Variants in CASR observed in about 807,000 individuals in gnomAD.
CASR encodes the protein extracellular calcium-sensing receptor.
Under a neutral mutation model 69.1 loss-of-function variants are expected in CASR, and 23 were observed. The observed-to-expected ratio is 0.33, with a 90% CI of 0.24 to 0.47. The LOEUF (loss-of-function observed/expected upper bound fraction) is 0.47. Among genes scored for constraint, CASR ranks in the 20% least tolerant of loss-of-function variants. The pLI is 1.00. For missense variants in CASR, 924 were observed against 1,356.1 expected (o/e 0.68, Z 5.00); for synonymous variants, 541 against 544.7 (o/e 0.99, Z 0.10).
chr3:122,203,369 G>A (rs1348551898), intron 1 of CASR, among the ~76,000 whole-genome samples: 1 of 152,166 alleles, frequency 6.6e-6, no homozygotes. Flanking sequence ...ACATCACAGA[G>A]TACACCTACC....
At chr3:122,267,714 T>C (rs1012351758) in intron 4 of CASR, among the ~76,000 whole-genome samples, 1 of 152,144 alleles carries the variant, frequency 6.6e-6, no homozygotes, top group Non-Finnish European at 1.5e-5. Flanking sequence ...ACCAAGCATA[T>C]ACATTTGCCC....
chr3:122,278,115 C>T (rs879357567), intron 5 of CASR, among the ~76,000 whole-genome samples: 26 of 146,100 alleles, frequency 1.8e-4, no homozygotes, highest in Admixed American at 1.4e-3. Flanking sequence ...ATGTATTTCA[C>T]AAAGTTGTTA....
Position 122,288,134 on chromosome 3 carries a change from C to T in CASR, c.*2943C>T, listed in dbSNP as rs2074985405. ...TTATCCAGGTGGGTCCAGTGGAATC[C>T]CAAGGGCCCTTAAATGTGGACGAAG... On this transcript the variant is annotated 3_prime_UTR_variant, in exon 7 of 7. Coordinates refer to ENST00000639785, the MANE Select transcript of CASR (RefSeq NM_000388.4). 6.6e-6 allele frequency: 1 copy of T among 150,796 alleles called. No individual in the cohort carries two copies. Among genetic ancestry groups the T allele is most frequent in the Non-Finnish European group, 1.5e-5 (1 of 67,608 alleles). 9.3% of individuals were successfully genotyped at this position (150,796 alleles called of 1,614,324 possible).
At chr3:122,268,031 G>A (rs1357904814) in intron 4 of CASR, among the ~76,000 whole-genome samples, 1 of 152,218 alleles carries the variant, frequency 6.6e-6, no homozygotes, top group Non-Finnish European at 1.5e-5. Flanking sequence ...TGAGTAGGTA[G>A]TATAGTGTAA....
At position 122,289,454 on chromosome 3, in the gene CASR, A is replaced by G. The variant is rs1400473120; in HGVS notation, c.*4263A>G. 1.3e-5 allele frequency: 2 copies of G among 152,398 alleles called. No individual in the cohort carries two copies. The highest frequency in any genetic ancestry group is 1.3e-4 in the Admixed American group (2 of 15,296). The allele number at this position is 152,398 out of a possible 1,614,324, so 9.4% of individuals were successfully genotyped here. A position where few individuals can be genotyped will look rare whatever the true frequency, so the allele number is the denominator to read the frequency against. ...GCAAGGAGTGAGGCAGGGGTCAGGG[A>G]AACAACAAGCACAGGGTAGAACCTG... On this transcript the variant is annotated 3_prime_UTR_variant, in exon 7 of 7. Coordinates refer to ENST00000639785, the MANE Select transcript of CASR (RefSeq NM_000388.4).
intron 2 of CASR, 94 bp downstream of exon 2, chr3:122,254,468 C>A: frequency 7.8e-7 from 1 of 1,286,732 alleles, no homozygotes; most frequent in Non-Finnish European, 1.1e-6. Context: ...AAACTTTGTC[C>A]TATCTTTTCA....
intron 4 of CASR, among the ~76,000 whole-genome samples, chr3:122,264,014 CA>C (rs1181287487): frequency 1.3e-5 from 2 of 151,502 alleles, no homozygotes; most frequent in Non-Finnish European, 2.9e-5. Flanking sequence ...AAACAGGCTT[CA>C]AGGGGGAAAC....
In CASR at chr3:122,257,376, T is replaced by C; in HGVS notation, c.481T>C (p.Tyr161His). ...TAVANLLGLF[Y>H]IPQVSYASSS... ...AGTGGCAAATCTGCTGGGGCTCTTC[T>C]ACATTCCCCAGGTACTCAAGCCTTC... Residue 161 changes from tyrosine to histidine, a missense_variant, in exon 3 of 7, where the codon TAC becomes CAC. By Grantham distance (83) the Tyr-to-His change is moderately conservative. Around this residue, in one of 8 missense-constraint regions of CASR, gnomAD observed 141 missense variants for 283.0 expected, o/e 0.50. Coordinates refer to ENST00000639785, the MANE Select transcript of CASR (RefSeq NM_000388.4). 1 of 1,613,442 alleles carries C rather than the reference T, an allele frequency of 6.2e-7. No homozygotes were observed. The highest frequency in any genetic ancestry group is 8.5e-7 in the Non-Finnish European group (1 of 1,179,544).
chr3:122,232,755 ACT>A (rs1391627863), intron 1 of CASR, among the ~76,000 whole-genome samples: 1 of 151,860 alleles, frequency 6.6e-6, no homozygotes, highest in East Asian at 1.9e-4. Flanking sequence ...GCCCTTTCTG[ACT>A]CTACCATCCT....
intron 1 of CASR, among the ~76,000 whole-genome samples, chr3:122,240,066 A>G (rs1384418537): frequency 6.6e-6 from 1 of 152,244 alleles, no homozygotes; most frequent in African/African-American, 2.4e-5. Flanking sequence ...AATTTAACCC[A>G]AAGAAGACTA....
At chr3:122,245,125 C>T (rs181240679) in intron 1 of CASR, among the ~76,000 whole-genome samples, 147 of 152,200 alleles carry the variant, frequency 9.7e-4, no homozygotes, top group African/African-American at 3.3e-3. Flanking sequence ...ATAACTTATC[C>T]GCATCCTCCT....
intron 1 of CASR, among the ~76,000 whole-genome samples, chr3:122,213,764 A>G: frequency 6.6e-6 from 1 of 152,318 alleles, no homozygotes; most frequent in Middle Eastern, 3.4e-3. Flanking sequence ...ACCTAGCTGA[A>G]TTACTGAAAT....
At chr3:122,227,782 C>T (rs1057328387) in intron 1 of CASR, among the ~76,000 whole-genome samples, 2 of 152,140 alleles carry the variant, frequency 1.3e-5, no homozygotes, top group South Asian at 4.1e-4. Flanking sequence ...GTATACTATG[C>T]TCACTACCTG....
At chr3:122,274,012 A>T (rs2074787762) in intron 4 of CASR, among the ~76,000 whole-genome samples, 1 of 152,206 alleles carries the variant, frequency 6.6e-6, no homozygotes, top group African/African-American at 2.4e-5. Flanking sequence ...CTCAGTAAAA[A>T]TGAAGGCAAA....
At chr3:122,245,113 C>T (rs1211441937) in intron 1 of CASR, among the ~76,000 whole-genome samples, 1 of 152,114 alleles carries the variant, frequency 6.6e-6, no homozygotes, top group Non-Finnish European at 1.5e-5. Context: ...TAGTATTTGC[C>T]TATAACTTAT....
rs1056654451 is a variant in CASR at position 122,289,676 on chromosome 3, A to T, written c.*4485A>T. On this transcript the variant is annotated 3_prime_UTR_variant, in exon 7 of 7. Coordinates refer to ENST00000639785, the MANE Select transcript of CASR (RefSeq NM_000388.4). ...CTCTAGCACCGAGTGGGGCTAGGGG[A>T]ACCTTCTCCTCTGTTGGGAATAACC... The T allele has an allele frequency of 3.3e-5, 5 of 152,400 alleles. No homozygotes were observed. The highest frequency in any genetic ancestry group is 7.3e-5 in the Non-Finnish European group (5 of 68,148). The allele number at this position is 152,400 out of a possible 1,614,324, so 9.4% of individuals were successfully genotyped here.
chr3:122,261,623 C>T lies in CASR; in HGVS notation c.588C>T (p.Ala196=), dbSNP rs746820754. ...TIPNDEHQAT[A]MADIIEYFRW... Reference sequence around the variant, plus strand: ...CCAATGATGAGCACCAGGCCACTGCCATGGCAGACATCATCGAGTATTTCC... The same window carrying T: ...CCAATGATGAGCACCAGGCCACTGCTATGGCAGACATCATCGAGTATTTCC... Residue 196 remains alanine, a synonymous_variant, in exon 4 of 7, where the codon GCC becomes GCT. Coordinates refer to ENST00000639785, the MANE Select transcript of CASR (RefSeq NM_000388.4). 2 of 1,614,178 alleles carry T rather than the reference C, an allele frequency of 1.2e-6. No individual in the cohort carries two copies.
intron 1 of CASR, among the ~76,000 whole-genome samples, chr3:122,186,928 G>T (rs1350548777): frequency 1.5e-4 from 23 of 152,222 alleles, no homozygotes; most frequent in Admixed American, 1.5e-3. Context: ...CTTTGGGAAA[G>T]AATGCTTTGT....
chr3:122,235,528 G>A (rs570708578), intron 1 of CASR, among the ~76,000 whole-genome samples: 1 of 152,236 alleles, frequency 6.6e-6, no homozygotes, highest in Admixed American at 6.5e-5. Context: ...ACAGGAAACT[G>A]TTGTGTATCC....
Sources: gnomAD v4.1 joint callset for allele counts (sites outside exome capture counted in the v4.1 genomes callset) on GRCh38, gnomAD v4.1.1 for gene constraint, gnomAD v4.1.1 regional missense constraint, MANE v1.5 for transcripts, NCBI Gene and HGNC (gene_info 2026-07-23, HGNC 2026-07-21) for gene names.